The following SLC35F3 variants were observed in gnomAD, a reference collection of about 807,000 sequenced individuals.
SLC35F3 encodes the protein solute carrier family 35 member F3, also known as putative thiamine transporter SLC35F3.
A neutral mutation model predicts 49.9 loss-of-function variants in SLC35F3; 25 were observed. The observed-to-expected ratio is 0.50, with a 90% CI of 0.37 to 0.70. SLC35F3 has a LOEUF of 0.70. Ranked by LOEUF, SLC35F3 falls within the 30% of genes least tolerant of loss-of-function variation. SLC35F3 has a pLI of 0.00. For missense variants in SLC35F3, 525 were observed against 639.8 expected (o/e 0.82, Z 1.94); for synonymous variants, 275 against 265.4 (o/e 1.04, Z -0.35).
chr1:233,917,838 GTC>G (rs1661996635), intron 2 of SLC35F3, among the ~76,000 whole-genome samples: 1 of 152,242 alleles, frequency 6.6e-6, no homozygotes, highest in African/African-American at 2.4e-5. Flanking sequence ...TCTAAGGGGA[GTC>G]TCTACATTTA....
intron 2 of SLC35F3, among the ~76,000 whole-genome samples, chr1:234,085,452 A>T (rs1358586411): frequency 6.6e-6 from 1 of 152,192 alleles, no homozygotes; most frequent in Non-Finnish European, 1.5e-5. Context: ...GGAGATAAGT[A>T]TTCCCCAATC....
At chr1:233,988,382 C>T (rs898959008) in intron 2 of SLC35F3, among the ~76,000 whole-genome samples, 6 of 152,138 alleles carry the variant, frequency 3.9e-5, no homozygotes, top group Non-Finnish European at 5.9e-5. Flanking sequence ...TCAGTTGAGC[C>T]AATTGTATGT....
intron 3 of SLC35F3, among the ~76,000 whole-genome samples, chr1:234,273,210 C>T (rs549307554): frequency 6.6e-6 from 1 of 152,348 alleles, no homozygotes; most frequent in African/African-American, 2.4e-5. Context: ...TCATTATTTC[C>T]AAACCCAGAC....
At chr1:234,313,563 C>CTGA (rs1254734497) in intron 4 of SLC35F3, among the ~76,000 whole-genome samples, 1 of 152,150 alleles carries the variant, frequency 6.6e-6, no homozygotes, top group Non-Finnish European at 1.5e-5. Flanking sequence ...CACTGTGACC[C>CTGA]ATCAGTCTTT....
At chr1:234,217,329 G>A (rs139556243) in intron 2 of SLC35F3, among the ~76,000 whole-genome samples, 1 of 152,350 alleles carries the variant, frequency 6.6e-6, no homozygotes, top group Non-Finnish European at 1.5e-5. Context: ...ACCCTACTCT[G>A]TGTCCTGTGA....
At chr1:234,161,194 A>C (rs1284370929) in intron 2 of SLC35F3, among the ~76,000 whole-genome samples, 1 of 152,214 alleles carries the variant, frequency 6.6e-6, no homozygotes, top group Non-Finnish European at 1.5e-5. Flanking sequence ...CACTAGGCTA[A>C]GTGTTTTCAC....
At chr1:234,242,223 A>G (rs367852013) in intron 3 of SLC35F3, among the ~76,000 whole-genome samples, 57 of 152,350 alleles carry the variant, frequency 3.7e-4, no homozygotes, top group African/African-American at 1.3e-3. Context: ...AGCTGTGTCT[A>G]CTTCAAGCAT....
At chr1:234,050,585 G>A (rs1433464559) in intron 2 of SLC35F3, among the ~76,000 whole-genome samples, 2 of 152,166 alleles carry the variant, frequency 1.3e-5, no homozygotes, top group Non-Finnish European at 2.9e-5. Context: ...CATTCTGTAA[G>A]TTGCCTGTTC....
In SLC35F3 at chr1:234,321,761, G is replaced by A. The variant is rs530108285; in HGVS notation, c.1238-1247G>A. On this transcript the variant is annotated intron_variant, in intron 7 of 7. Transcript: ENST00000366618. ...GAAGAGAGAAGCCGGGGACCCTGCC[G>A]CGTATCTCACTTGTCAAGGCAGAGC... 1.9e-4 allele frequency among the ~76,000 whole-genome samples: 29 copies of A among 152,276 alleles called. No homozygotes were observed. In the South Asian group the frequency reaches 4.4e-3, roughly 23 times the overall value.
chr1:233,922,266 A>G (rs1662075223), intron 2 of SLC35F3, among the ~76,000 whole-genome samples: 3 of 152,284 alleles, frequency 2.0e-5, no homozygotes, highest in South Asian at 4.1e-4. Context: ...CAACAGTGTA[A>G]AAGTGTTCCT....
chr1:234,298,624 C>T (rs2102989272), intron 3 of SLC35F3, among the ~76,000 whole-genome samples: 1 of 151,812 alleles, frequency 6.6e-6, no homozygotes, highest in South Asian at 2.1e-4. Flanking sequence ...ATTTCTGTGC[C>T]CCATTCCAGA....
chr1:234,120,924 TG>T (rs1665561056), intron 2 of SLC35F3, among the ~76,000 whole-genome samples: 6 of 152,202 alleles, frequency 3.9e-5, no homozygotes. Context: ...ATGTTTTTTA[TG>T]TGTCTTAGTA....
At chr1:233,979,658 T>C (rs1663148554) in intron 2 of SLC35F3, among the ~76,000 whole-genome samples, 1 of 152,166 alleles carries the variant, frequency 6.6e-6, no homozygotes, top group South Asian at 2.1e-4. Context: ...AAAAAAAACT[T>C]TCAGCAACGG....
Position 234,323,093 on chromosome 1 carries a change from G to C in SLC35F3, c.1323G>C (p.Leu441=), listed in dbSNP as rs1202337760. Residue 441 remains leucine, a synonymous_variant, in exon 8 of 8, where the codon CTG becomes CTC. Transcript: ENST00000366618. This position sits in a 1 kb window ranked among gnomAD's most constrained non-coding sequence, Gnocchi z 4.5. ...TCATCGGCCTGGGTTTTCTCCTCCT[G>C]CTCCTGCCAGAGGAGTGGGATGTCT... ...IIIIGLGFLL[L]LLPEEWDVWL... 6.2e-6 allele frequency: 10 copies of C among 1,614,142 alleles called. No individual in the cohort carries two copies. The highest frequency in any genetic ancestry group is 8.5e-6 in the Non-Finnish European group (10 of 1,180,038).
chr1:234,211,432 G>C (rs1198917184), intron 2 of SLC35F3, among the ~76,000 whole-genome samples: 1 of 152,188 alleles, frequency 6.6e-6, no homozygotes, highest in African/African-American at 2.4e-5. Flanking sequence ...GCCAGCCCAT[G>C]AAAGCAGCTG....
chr1:234,309,412 G>A (rs1657294651), intron 4 of SLC35F3, 92 bp downstream of exon 4: 1 of 1,092,610 alleles, frequency 9.2e-7, no homozygotes, highest in Non-Finnish European at 1.3e-6. Flanking sequence ...GCTGGACCAT[G>A]AGCATAAGCT....
At chr1:233,992,660 G>T (rs1433261346) in intron 2 of SLC35F3, among the ~76,000 whole-genome samples, 2 of 152,086 alleles carry the variant, frequency 1.3e-5, no homozygotes, top group Admixed American at 1.3e-4. Flanking sequence ...CATCACACTG[G>T]GGATCAAATT....
chr1:234,187,195 A>G (rs1384679725), intron 2 of SLC35F3, among the ~76,000 whole-genome samples: 1 of 152,196 alleles, frequency 6.6e-6, no homozygotes, highest in African/African-American at 2.4e-5. Context: ...ATGTGAAAGG[A>G]ACAAGCAACC....
chr1:234,198,671 C>A (rs973299379), intron 2 of SLC35F3, among the ~76,000 whole-genome samples: 2 of 151,916 alleles, frequency 1.3e-5, no homozygotes, highest in African/African-American at 4.8e-5. Flanking sequence ...GTATGGGGTA[C>A]AATGTGATGT....
Sources: gnomAD v4.1 joint callset for allele counts (sites outside exome capture counted in the v4.1 genomes callset) on GRCh38, gnomAD v4.1.1 for gene constraint, Gnocchi (gnomAD v3.1) non-coding constraint, MANE v1.5 for transcripts, NCBI Gene and HGNC (gene_info 2026-07-23, HGNC 2026-07-21) for gene names.